The following NKD2 variants were observed in gnomAD, a reference collection of about 807,000 sequenced individuals.
NKD2 encodes NKD inhibitor of Wnt signaling pathway 2.
Under a neutral mutation model 34.8 loss-of-function variants are expected in NKD2, and 43 were observed. The observed-to-expected ratio is 1.24, with a 90% CI of 0.97 to 1.60. The LOEUF (loss-of-function observed/expected upper bound fraction) is 1.60. Among genes scored for constraint, NKD2 ranks in the 40% most tolerant of loss-of-function variants. NKD2 has a pLI of 0.00. For synonymous variants in NKD2, 278 were observed against 265.1 expected (o/e 1.05, Z -0.47); for missense variants, 675 against 627.1 (o/e 1.08, Z -0.82).
intron 9 of NKD2, 143 bp from the exon 10 acceptor site, chr5:1,037,662 C>G: frequency 6.5e-7 from 1 of 1,536,180 alleles, no homozygotes; most frequent in African/African-American, 1.4e-5. Flanking sequence ...GGCTGGTGGC[C>G]GTCTGACTGC....
At chr5:1,031,317 G>A (rs1182313665) in intron 3 of NKD2, among the ~76,000 whole-genome samples, 3 of 152,128 alleles carry the variant, frequency 2.0e-5, no homozygotes, top group African/African-American at 2.4e-5. Flanking sequence ...ACACCAACTC[G>A]GCACCAAAGT....
chr5:1,014,395 TG>T (rs1755866774), intron 3 of NKD2, among the ~76,000 whole-genome samples: 1 of 152,238 alleles, frequency 6.6e-6, no homozygotes, highest in Non-Finnish European at 1.5e-5. Context: ...CCGCGGGAAC[TG>T]TGGCTGGTGC....
rs188683822 is a variant in NKD2 at position 1,014,783 on chromosome 5, A to T, written c.141+5223A>T. On this transcript the variant is annotated intron_variant, in intron 3 of 9. Transcript: ENST00000296849. ...CCCGCTTTGCGGCCAAGGGATACCC[A>T]CTTGGTCAGCCCCGACAGAGGCTGT... is the stretch of plus-strand genomic sequence containing the variant. Among the ~76,000 whole-genome samples, 490 of 152,338 alleles carry T rather than the reference A, an allele frequency of 3.2e-3. 3 individuals carry two copies. Among genetic ancestry groups the T allele is most frequent in the Non-Finnish European group, 1.5e-3 (102 of 68,044 alleles).
chr5:1,033,065 C>T (rs1390536695), intron 4 of NKD2, among the ~76,000 whole-genome samples: 1 of 152,110 alleles, frequency 6.6e-6, no homozygotes, highest in African/African-American at 2.4e-5. Flanking sequence ...ACACAGGGAG[C>T]ATCTCCTGGA....
At chr5:1,030,567 C>T (rs1756607061) in intron 3 of NKD2, among the ~76,000 whole-genome samples, 3 of 152,334 alleles carry the variant, frequency 2.0e-5, no homozygotes, top group Admixed American at 6.5e-5. Flanking sequence ...TAAATAACTA[C>T]AGCCTGGGTT....
intron 3 of NKD2, among the ~76,000 whole-genome samples, chr5:1,013,050 T>C (rs371560106): frequency 6.6e-6 from 1 of 152,198 alleles, no homozygotes; most frequent in African/African-American, 2.4e-5. Context: ...TGGACCATAC[T>C]CTGCTTGGTG....
At chr5:1,011,927 G>A (rs1372408385) in intron 3 of NKD2, among the ~76,000 whole-genome samples, 1 of 152,224 alleles carries the variant, frequency 6.6e-6, no homozygotes, top group Non-Finnish European at 1.5e-5. Context: ...GAAGGGCTAG[G>A]GCCATGGGAT....
intron 9 of NKD2, 136 bp from the exon 10 acceptor site, chr5:1,037,669 C>T (rs1452637456): frequency 6.5e-7 from 1 of 1,536,664 alleles, no homozygotes; most frequent in Admixed American, 2.0e-5. Context: ...GGCCGTCTGA[C>T]TGCAGACTTG....
At chr5:1,011,863 G>A (rs946692427) in intron 3 of NKD2, among the ~76,000 whole-genome samples, 3 of 152,266 alleles carry the variant, frequency 2.0e-5, no homozygotes, top group Non-Finnish European at 2.9e-5. Flanking sequence ...ACTCTGCGGA[G>A]CGCCACACTT....
Position 1,009,214 on chromosome 5 carries a change from G to A in NKD2, c.61G>A (p.Gly21Arg). 1.9e-6 allele frequency: 1 copy of A among 529,986 alleles called. No individual in the cohort carries two copies. The highest frequency in any genetic ancestry group is 3.3e-6 in the Non-Finnish European group (1 of 301,034). 32.8% of individuals were successfully genotyped at this position (529,986 alleles called of 1,614,324 possible). A position where few individuals can be genotyped will look rare whatever the true frequency, so the allele number is the denominator to read the frequency against. Residue 21 changes from glycine to arginine, a missense_variant and splice_region_variant, in exon 2 of 10, where the codon GGG becomes AGG. Coordinates refer to ENST00000296849, the MANE Select transcript of NKD2 (RefSeq NM_033120.4). The surrounding 1 kb of genome is among the most constrained non-coding windows in gnomAD (Gnocchi z 6.9). ...AARKRRESPE[G>R]DSFVASAYAS... Reference sequence around the variant, plus strand: ...CCGCAAGCGGAGAGAGAGCCCGGAAGGTGAGCGGGCGAGCCGACGGGCGGG... The same window carrying A: ...CCGCAAGCGGAGAGAGAGCCCGGAAAGTGAGCGGGCGAGCCGACGGGCGGG...
intron 8 of NKD2, 26 bp from the exon 9 acceptor site, chr5:1,036,231 C>T (rs371960558): frequency 8.5e-5 from 133 of 1,564,524 alleles, no homozygotes; most frequent in Non-Finnish European, 1.0e-4. Context: ...GTGCGGGGGT[C>T]AGGCCCTTCT....
intron 3 of NKD2, among the ~76,000 whole-genome samples, chr5:1,022,424 C>T (rs79018786): frequency 1.2e-5 from 1 of 80,410 alleles, no homozygotes; most frequent in Non-Finnish European, 2.7e-5. Context: ...CCGCTGTGGG[C>T]GTCTCAGCCC....
rs367858114 is a variant in NKD2, at chr5:1,035,072, G to A, written c.574+169G>A. On this transcript the variant is annotated intron_variant, in intron 7 of 9. Transcript: ENST00000296849. ...GGTGAGTGAGTGAGAGAGTAAGTGGGTGAGTAAGCAGATTAATGAATGAAT... is the reference window on the plus strand; with the variant it reads ...GGTGAGTGAGTGAGAGAGTAAGTGGATGAGTAAGCAGATTAATGAATGAAT... Among the ~76,000 whole-genome samples, 17 of 152,322 alleles carry A rather than the reference G, an allele frequency of 1.1e-4. No individual in the cohort carries two copies. In the East Asian group the frequency reaches 2.3e-3, roughly 21 times the overall value.
At chr5:1,028,902 G>A (rs937319031) in intron 3 of NKD2, among the ~76,000 whole-genome samples, 5 of 152,198 alleles carry the variant, frequency 3.3e-5, no homozygotes, top group African/African-American at 1.2e-4. Flanking sequence ...AGGCTTTGGT[G>A]GGTGCCGGGG....
Position 1,036,333 on chromosome 5 carries a change from C to A in NKD2, c.736C>A (p.His246Asn), listed in dbSNP as rs1407273531. 1 of 1,612,868 alleles carries A rather than the reference C, an allele frequency of 6.2e-7. No homozygotes were observed. Among genetic ancestry groups the A allele is most frequent in the Non-Finnish European group, 8.5e-7 (1 of 1,179,862 alleles). ...CVDENTERRN[H>N]YLDLAGIENY... The stretch of plus-strand genomic sequence containing the variant: ...GGACGAGAACACGGAGCGCAGAAAC[C>A]ACTACCTGGACCTCGCCGGGATTGA... The change falls in exon 9 of 10, where the codon CAC (histidine) becomes AAC (asparagine). Residue 246 changes from histidine to asparagine, a missense_variant. By Grantham distance (68) the His-to-Asn change is moderately conservative (BLOSUM62 1). Transcript: ENST00000296849.
At position 1,038,887 on chromosome 5, in the gene NKD2, GC is replaced by G. The variant is rs1734167740; in HGVS notation, c.*515del. 3.2e-5 allele frequency: 8 copies of G among 251,354 alleles called. No individual in the cohort carries two copies. Among genetic ancestry groups the G allele is most frequent in the Admixed American group, 3.1e-4 (6 of 19,476 alleles). 15.6% of individuals were successfully genotyped at this position (251,354 alleles called of 1,614,324 possible). A position where few individuals can be genotyped will look rare whatever the true frequency, so the allele number is the denominator to read the frequency against. The stretch of plus-strand genomic sequence containing the variant: ...AGCTTGTGCTTAGCAGGGAGCATCC[GC>G]GGCTCCCCGCAGGAGGCCAAGCAGC... On this transcript the variant is annotated 3_prime_UTR_variant, in exon 10 of 10. Coordinates refer to ENST00000296849, the MANE Select transcript of NKD2 (RefSeq NM_033120.4). The surrounding 1 kb of genome is among the most constrained non-coding windows in gnomAD (Gnocchi z 4.5).
chr5:1,019,046 G>A (rs1560986406), intron 3 of NKD2, among the ~76,000 whole-genome samples: 1 of 152,196 alleles, frequency 6.6e-6, no homozygotes, highest in Non-Finnish European at 1.5e-5. Flanking sequence ...ATAGCGACCA[G>A]GCCAGAGCGT....
At chr5:1,019,465 G>C (rs1048999494) in intron 3 of NKD2, among the ~76,000 whole-genome samples, 1 of 152,190 alleles carries the variant, frequency 6.6e-6, no homozygotes, top group Non-Finnish European at 1.5e-5. Context: ...CTGCAGCCTC[G>C]GCCAATAGCA....
At chr5:1,027,479 G>C (rs1756466204) in intron 3 of NKD2, among the ~76,000 whole-genome samples, 1 of 152,130 alleles carries the variant, frequency 6.6e-6, no homozygotes, top group South Asian at 2.1e-4. Context: ...CTTCCTCTCT[G>C]TCTCTCTCCT....
Sources: allele counts gnomAD v4.1 joint callset (sites outside exome capture counted in the v4.1 genomes callset), GRCh38; gene constraint gnomAD v4.1.1; non-coding constraint Gnocchi (gnomAD v3.1); transcripts MANE v1.5; gene names NCBI Gene and HGNC (gene_info 2026-07-23, HGNC 2026-07-21).